Variants in PRSS8 observed in about 807,000 individuals in gnomAD.
PRSS8 encodes the protein prostasin.
A neutral mutation model predicts 26.7 loss-of-function variants in PRSS8; 11 were observed. The observed-to-expected ratio is 0.41, with a 90% CI of 0.26 to 0.68. The LOEUF (loss-of-function observed/expected upper bound fraction) is 0.68. PRSS8 is among the 30% of genes least tolerant of loss of function. The probability of loss-of-function intolerance (pLI) is 0.30; values close to 1 mark genes in which losing one functional copy is unlikely to be tolerated. For missense variants in PRSS8, 362 were observed against 443.5 expected, an observed-to-expected ratio of 0.82 and a Z score of 1.65; for synonymous variants, 183 against 187.0, an observed-to-expected ratio of 0.98 and a Z score of 0.17.
intron 2 of PRSS8, 119 bp downstream of exon 2, chr16:31,135,035 C>G: frequency 1.6e-6 from 2 of 1,287,858 alleles, no homozygotes; most frequent in Non-Finnish European, 2.2e-6. Context: ...ACTCTGGGAG[C>G]CCTAAGAGAA....
chr16:31,134,196 G>A (rs2057594953), intron 2 of PRSS8: 1 of 152,428 alleles, frequency 6.6e-6, no homozygotes, highest in Non-Finnish European at 1.5e-5. Context: ...ACTTTGGAGT[G>A]GAGCCCAACT....
intron 2 of PRSS8, chr16:31,134,269 A>T (rs1014101364): frequency 2.0e-5 from 3 of 152,244 alleles, no homozygotes; most frequent in African/African-American, 7.2e-5. Flanking sequence ...CTCCCTTATC[A>T]TCATGACAAT....
At chr16:31,134,661 G>A (rs2057596809) in intron 2 of PRSS8, 1 of 165,270 alleles carries the variant, frequency 6.1e-6, no homozygotes, top group Non-Finnish European at 1.3e-5. Context: ...AACATAGTGA[G>A]ACCCACATCT....
chr16:31,132,560 C>T lies in PRSS8; in HGVS notation c.574G>A (p.Glu192Lys), dbSNP rs779821583. 1.3e-5 allele frequency: 21 copies of T among 1,613,884 alleles called. No homozygotes were observed. The highest frequency in any genetic ancestry group is 1.7e-5 in the Non-Finnish European group (20 of 1,179,894). Residue 192 changes from glutamate to lysine, a missense_variant, in exon 5 of 6, where the codon GAG becomes AAG. Glu to Lys is a moderately conservative substitution (Grantham distance 56). Coordinates refer to ENST00000317508, the MANE Select transcript of PRSS8 (RefSeq NM_002773.5). This position sits in a 1 kb window ranked among gnomAD's most constrained non-coding sequence, Gnocchi z 5.2. ...LLTPKPLQQL[E>K]VPLISRETCN... ...GTCTCACGACTGATCAGAGGCACCT[C>T]GAGTTGCTGCAGTGGCTTGGGCGTC... is the stretch of plus-strand genomic sequence containing the variant.
Position 31,135,330 on chromosome 16 carries a change from C to G in PRSS8, c.85+84G>C, listed in dbSNP as rs944850317. On this transcript the variant is annotated intron_variant, in intron 1 of 5. Coordinates refer to ENST00000317508, the MANE Select transcript of PRSS8 (RefSeq NM_002773.5). ...GGGAGGCCGGGGGTTTTCTTGGGCC[C>G]CAGACAAGGGCACACCCCAGAAAAT... 83 of 1,577,166 alleles carry G rather than the reference C, an allele frequency of 5.3e-5. 4 individuals are homozygous for G. The South Asian group carries it at 8.6e-4, about 16-fold the overall frequency.
Position 31,133,386 on chromosome 16 carries a change from G to A in PRSS8, c.106C>T (p.Pro36Ser). The A allele has an allele frequency of 6.2e-7, 1 of 1,613,736 alleles. No individual in the cohort carries two copies. The highest frequency in any genetic ancestry group is 8.5e-7 in the Non-Finnish European group (1 of 1,179,852). Residue 36 changes from proline to serine, a missense_variant and splice_region_variant, in exon 3 of 6, where the codon CCC becomes TCC. Pro to Ser is a moderately conservative substitution (Grantham distance 74, BLOSUM62 -1). Transcript: ENST00000317508. The surrounding 1 kb of genome is among the most constrained non-coding windows in gnomAD (Gnocchi z 4.7). The stretch of plus-strand genomic sequence containing the variant: ...CGTGCTTGGGGGGCCACACCGCAGG[G>A]AGCTGCCCAGGGAGGAAGGGAAGGG... ...SGTGAEGAEAPCGVAPQARIT... is the reference protein window; with the variant it reads ...SGTGAEGAEASCGVAPQARIT...
Position 31,133,004 on chromosome 16 carries a change from CAA to C in PRSS8, c.267-53_267-52del. The C allele has an allele frequency of 1.9e-6, 3 of 1,583,652 alleles. No homozygotes were observed. The highest frequency in any genetic ancestry group is 2.6e-6 in the Non-Finnish European group (3 of 1,165,946). Reference sequence around the variant, plus strand: ...ACCCAGGAGACCTCTCCTTGTTCCCCAACCCCCACTGCCAACCCCTGATTCCG... The same window carrying C: ...ACCCAGGAGACCTCTCCTTGTTCCCCCCCCCACTGCCAACCCCTGATTCCG... On this transcript the variant is annotated intron_variant, in intron 3 of 5. Coordinates refer to ENST00000317508, the MANE Select transcript of PRSS8 (RefSeq NM_002773.5). This position sits in a 1 kb window ranked among gnomAD's most constrained non-coding sequence, Gnocchi z 4.7.
Position 31,132,250 on chromosome 16 carries a change from G to T in PRSS8, c.791C>A (p.Ala264Asp). 6.2e-7 allele frequency: 1 copy of T among 1,613,560 alleles called. No homozygotes were observed. Among genetic ancestry groups the T allele is most frequent in the South Asian group, 1.1e-5 (1 of 91,032 alleles). ...AGTGTACACACCAGGCCTGTTGCGG[G>T]CCCCACAGGCATCTCCCCAGCTCAC... is the stretch of plus-strand genomic sequence containing the variant. Reference protein sequence around the residue: ...GIVSWGDACGARNRPGVYTLA... With the variant: ...GIVSWGDACGDRNRPGVYTLA... The change falls in exon 6 of 6, where the codon GCC (alanine) becomes GAC (aspartate). Residue 264 changes from alanine to aspartate, a missense_variant. Physicochemically the swap from Ala to Asp is moderately radical, Grantham distance 126 (BLOSUM62 -2). Transcript: ENST00000317508. The surrounding 1 kb of genome is among the most constrained non-coding windows in gnomAD (Gnocchi z 5.2).
chr16:31,135,280 G>T (rs1355420587), intron 1 of PRSS8, 109 bp from the exon 2 acceptor site: 2 of 1,594,410 alleles, frequency 1.3e-6, no homozygotes, highest in East Asian at 2.2e-5. Flanking sequence ...ACAGAGCCAA[G>T]GTGGGAAAGA....
chr16:31,132,036 GAGGCCCAGAGCC>G lies in PRSS8; in HGVS notation c.993_1004del (p.Ala332_Leu335del), dbSNP rs1337003015. ...AGTGCTCGCTGAGCCATGGGGAGAGGAGGCCCAGAGCCAGGCCCAGAGGCAGGAAAAGGATGG... is the reference window on the plus strand; with the variant it reads ...AGTGCTCGCTGAGCCATGGGGAGAGGAGGCCCAGAGGCAGGAAAAGGATGG... On this transcript the variant is annotated inframe_deletion, in exon 6 of 6. Transcript: ENST00000317508. This position sits in a 1 kb window ranked among gnomAD's most constrained non-coding sequence, Gnocchi z 5.2. 4.4e-6 allele frequency: 7 copies of G among 1,588,276 alleles called. No homozygotes were observed. Among genetic ancestry groups the G allele is most frequent in the South Asian group, 2.3e-5 (2 of 87,582 alleles).
Position 31,135,334 on chromosome 16 carries a change from A to T in PRSS8, c.85+80T>A, listed in dbSNP as rs1470916465. On this transcript the variant is annotated intron_variant, in intron 1 of 5. Coordinates refer to ENST00000317508, the MANE Select transcript of PRSS8 (RefSeq NM_002773.5). ...GGCCGGGGGTTTTCTTGGGCCCCAG[A>T]CAAGGGCACACCCCAGAAAATGATC... 7 of 1,572,250 alleles carry T rather than the reference A, an allele frequency of 4.5e-6. No individual in the cohort carries two copies. In the Admixed American group the frequency reaches 5.3e-5, roughly 12 times the overall value.
Position 31,131,756 on chromosome 16 carries a change from G to A in PRSS8, c.*253C>T. 4.0e-6 allele frequency: 2 copies of A among 501,804 alleles called. No individual in the cohort carries two copies. The highest frequency in any genetic ancestry group is 7.0e-6 in the Non-Finnish European group (2 of 283,808). The allele number at this position is 501,804 out of a possible 1,614,324, so 31.1% of individuals were successfully genotyped here. A position where few individuals can be genotyped will look rare whatever the true frequency, so the allele number is the denominator to read the frequency against. ...GGAGCTCCCCAGGAGCTCGGCCAAT[G>A]GGCTGGTCCATGGTGGGTGAGGGGC... On this transcript the variant is annotated 3_prime_UTR_variant, in exon 6 of 6. Coordinates refer to ENST00000317508, the MANE Select transcript of PRSS8 (RefSeq NM_002773.5).
chr16:31,132,213 G>A lies in PRSS8; in HGVS notation c.828C>T (p.Ser276=), dbSNP rs2057584017. ...NRPGVYTLAS[S]YASWIQSKVT... ...CCTTGCTTTGGATCCAGGAGGCATA[G>A]CTGGAGGCCAGAGTGTACACACCAG... Residue 276 remains serine (S), a synonymous_variant, in exon 6 of 6, where the codon AGC becomes AGT. Coordinates refer to ENST00000317508, the MANE Select transcript of PRSS8 (RefSeq NM_002773.5). The surrounding 1 kb of genome is among the most constrained non-coding windows in gnomAD (Gnocchi z 5.2). 6.2e-7 allele frequency: 1 copy of A among 1,613,784 alleles called. No homozygotes were observed. Among genetic ancestry groups the A allele is most frequent in the African/African-American group, 1.3e-5 (1 of 74,918 alleles).
chr16:31,131,676 C>T lies in PRSS8; in HGVS notation c.*333G>A. 1 of 408,936 alleles carries T rather than the reference C, an allele frequency of 2.4e-6. No individual in the cohort carries two copies. Among genetic ancestry groups the T allele is most frequent in the Non-Finnish European group, 4.4e-6 (1 of 227,514 alleles). The allele number at this position is 408,936 out of a possible 1,614,324, so 25.3% of individuals were successfully genotyped here. ...TCAGTCTGGGCAGGCGGGCCGGGAG[C>T]AGTCTTCCAGAAACAGGTGGGAGCC... On this transcript the variant is annotated 3_prime_UTR_variant, in exon 6 of 6. Coordinates refer to ENST00000317508, the MANE Select transcript of PRSS8 (RefSeq NM_002773.5).
chr16:31,132,031 G>T lies in PRSS8; in HGVS notation c.1010C>A (p.Ser337Tyr), dbSNP rs1347569516. 5.0e-6 allele frequency: 8 copies of T among 1,585,818 alleles called. No individual in the cohort carries two copies. Among genetic ancestry groups the T allele is most frequent in the Non-Finnish European group, 6.9e-6 (8 of 1,166,038 alleles). ...AGCTCAGTGCTCGCTGAGCCATGGG[G>T]AGAGGAGGCCCAGAGCCAGGCCCAG... ...LPLGLALGLL[S>Y]PWLSEH is the part of the protein sequence containing the mutation. The change falls in exon 6 of 6, where the codon TCC becomes TAC. Residue 337 changes from serine to tyrosine, a missense_variant. Coordinates refer to ENST00000317508, the MANE Select transcript of PRSS8 (RefSeq NM_002773.5). This position sits in a 1 kb window ranked among gnomAD's most constrained non-coding sequence, Gnocchi z 5.2.
rs1248530040 is a variant in PRSS8 at position 31,132,227 on chromosome 16, T to C, written c.814A>G (p.Thr272Ala). 1 of 1,613,682 alleles carries C rather than the reference T, an allele frequency of 6.2e-7. No individual in the cohort carries two copies. Among genetic ancestry groups the C allele is most frequent in the Non-Finnish European group, 8.5e-7 (1 of 1,179,778 alleles). ...CAGGAGGCATAGCTGGAGGCCAGAG[T>C]GTACACACCAGGCCTGTTGCGGGCC... ...CGARNRPGVY[T>A]LASSYASWIQ... The change falls in exon 6 of 6, where the codon ACT (threonine) becomes GCT (alanine). Residue 272 changes from threonine to alanine, a missense_variant. Physicochemically the swap from Thr to Ala is moderately conservative, Grantham distance 58. Coordinates refer to ENST00000317508, the MANE Select transcript of PRSS8 (RefSeq NM_002773.5). This position sits in a 1 kb window ranked among gnomAD's most constrained non-coding sequence, Gnocchi z 5.2.
chr16:31,132,815 A>G lies in PRSS8; in HGVS notation c.405T>C (p.Ile135=), dbSNP rs1336808219. 1.9e-6 allele frequency: 3 copies of G among 1,613,830 alleles called. No individual in the cohort carries two copies. The highest frequency in any genetic ancestry group is 2.5e-6 in the Non-Finnish European group (3 of 1,179,836). The change falls in exon 4 of 6, where the codon ATT becomes ATC. Residue 135 remains isoleucine (I), a synonymous_variant. Transcript: ENST00000317508. This position sits in a 1 kb window ranked among gnomAD's most constrained non-coding sequence, Gnocchi z 5.2. ...SYLQEGSQGD[I]ALLQLSRPIT... is the part of the protein sequence containing the mutation. The stretch of plus-strand genomic sequence containing the variant: ...TGGGTCTGCTGAGTTGGAGGAGTGC[A>G]ATGTCGCCCTGGGAGCCCTCCTGGA...
At position 31,132,472 on chromosome 16, in the gene PRSS8, A is replaced by T; in HGVS notation, c.662T>A (p.Met221Lys). ...CCCCTCCACATAGCCAGCACACACC[A>T]TGTCCTCTTGGACAAAGTGCGGCTC... The part of the protein sequence containing the change: ...PEEPHFVQED[M>K]VCAGYVEGGK... Residue 221 changes from methionine to lysine, a missense_variant, in exon 5 of 6, where the codon ATG becomes AAG. Coordinates refer to ENST00000317508, the MANE Select transcript of PRSS8 (RefSeq NM_002773.5). This position sits in a 1 kb window ranked among gnomAD's most constrained non-coding sequence, Gnocchi z 5.2. The T allele has an allele frequency of 6.2e-7, 1 of 1,613,966 alleles. No individual in the cohort carries two copies. The highest frequency in any genetic ancestry group is 8.5e-7 in the Non-Finnish European group (1 of 1,179,864).
chr16:31,133,126 A>G lies in PRSS8; in HGVS notation c.266+100T>C. On this transcript the variant is annotated intron_variant, in intron 3 of 5. Coordinates refer to ENST00000317508, the MANE Select transcript of PRSS8 (RefSeq NM_002773.5). The surrounding 1 kb of genome is among the most constrained non-coding windows in gnomAD (Gnocchi z 4.7). Reference sequence around the variant, plus strand: ...CCTAACTGGTCCTTCCAGACTTAGAACTGACACTCTCAGACCCAACCCAAG... The same window carrying G: ...CCTAACTGGTCCTTCCAGACTTAGAGCTGACACTCTCAGACCCAACCCAAG... 6.3e-7 allele frequency: 1 copy of G among 1,590,034 alleles called. No homozygotes were observed.
Sources: gnomAD v4.1 joint callset for allele counts on GRCh38, gnomAD v4.1.1 for gene constraint, Gnocchi (gnomAD v3.1) non-coding constraint, MANE v1.5 for transcripts, NCBI Gene and HGNC (gene_info 2026-07-23, HGNC 2026-07-21) for gene names.